The following SOX6 variants were observed in gnomAD, a reference collection of about 807,000 sequenced individuals.
SOX6 encodes SRY-box transcription factor 6.
SOX6 carries 11 observed loss-of-function variants against 97.8 expected under a neutral mutation model. That is an observed-to-expected ratio of 0.11 (90% CI 0.07 to 0.19). The LOEUF (loss-of-function observed/expected upper bound fraction) is 0.19, where lower values mean the gene tolerates loss of function less well. Ranked by LOEUF, SOX6 falls within the 10% of genes least tolerant of loss-of-function variation. The pLI is 1.00. For synonymous variants in SOX6, 360 were observed against 371.4 expected (o/e 0.97, Z 0.35); for missense variants, 810 against 1,039.5 (o/e 0.78, Z 3.04).
chr11:16,097,811 G>T lies in SOX6; in HGVS notation c.899-123C>A, dbSNP rs888178119. On this transcript the variant is annotated intron_variant, in intron 7 of 15. Coordinates refer to ENST00000683767, the MANE Select transcript of SOX6 (RefSeq NM_001367873.1). ...ATTGCTCTAAGCCCAAACATCTGCA[G>T]AAACAAAAGGCTTAGTTGGGCACAG... 7.7e-6 allele frequency: 7 copies of T among 906,702 alleles called. No homozygotes were observed. In the Admixed American group the frequency reaches 1.3e-4, roughly 17 times the overall value. 56.2% of individuals were successfully genotyped at this position (906,702 alleles called of 1,614,324 possible). A position where few individuals can be genotyped will look rare whatever the true frequency, so the allele number is the denominator to read the frequency against.
At chr11:16,312,540 A>G (rs1023464207) in intron 3 of SOX6, 5 of 152,220 alleles carry the variant, frequency 3.3e-5, no homozygotes, top group Admixed American at 3.3e-4. Context: ...TTCCCTTTAC[A>G]AACAGACGGT....
chr11:16,324,000 T>C (rs1855996989), intron 2 of SOX6, among the ~76,000 whole-genome samples: 1 of 151,806 alleles, frequency 6.6e-6, no homozygotes, highest in Admixed American at 6.6e-5. Context: ...CTATGCAACA[T>C]AGCAAGACCC....
rs149708562 is a variant in SOX6, at chr11:16,518,451, G to C, written n.610-42063C>G. ...TACTTTGCTTAGACAGACAAGTTTT[G>C]CTTTATATTACAATAATTTATATAA... On this transcript the variant is annotated intron_variant and non_coding_transcript_variant, in intron 4 of 5. Coordinates refer to the SOX6 transcript ENST00000524520. Among the ~76,000 whole-genome samples, 841 of 152,206 alleles carry C rather than the reference G, an allele frequency of 5.5e-3. 16 individuals are homozygous for C. The highest frequency in any genetic ancestry group is 0.019 in the African/African-American group (806 of 41,532).
At chr11:16,663,142 T>A (rs938377592) in intron 3 of SOX6, among the ~76,000 whole-genome samples, 9 of 152,000 alleles carry the variant, frequency 5.9e-5, no homozygotes, top group Non-Finnish European at 1.2e-4. Flanking sequence ...TTAACATTCA[T>A]AATAGTCAAA....
intron 4 of SOX6, among the ~76,000 whole-genome samples, chr11:16,559,903 C>CATTTGAATGTAGAATGTAG (rs1847789268): frequency 6.6e-6 from 1 of 152,004 alleles, no homozygotes; most frequent in African/African-American, 2.4e-5. Context: ...TTCAAATATT[C>CATTTGAATGTAGAATGTAG]AAATGCATTT....
chr11:16,026,130 G>T (rs906481633), intron 12 of SOX6, among the ~76,000 whole-genome samples: 1 of 152,030 alleles, frequency 6.6e-6, no homozygotes, highest in Non-Finnish European at 1.5e-5. Flanking sequence ...CAAAATGAGG[G>T]AGTTAAGTTA....
chr11:16,604,062 G>C (rs954161980), intron 4 of SOX6, among the ~76,000 whole-genome samples: 21 of 152,242 alleles, frequency 1.4e-4, no homozygotes, highest in African/African-American at 5.1e-4. Flanking sequence ...TACCTTATGA[G>C]GAAACGTCAA....
At chr11:16,548,346 G>A (rs1397457310) in intron 4 of SOX6, among the ~76,000 whole-genome samples, 2 of 152,058 alleles carry the variant, frequency 1.3e-5, no homozygotes, top group Non-Finnish European at 2.9e-5. Flanking sequence ...TGTTAGAAAT[G>A]GTAACTATAA....
At chr11:16,317,738 C>T (rs1444910469) in intron 3 of SOX6, 1 of 163,830 alleles carries the variant, frequency 6.1e-6, no homozygotes, top group Admixed American at 6.1e-5. Flanking sequence ...CTATTAATTA[C>T]TCTACATTTT....
intron 3 of SOX6, 147 bp from the exon 4 acceptor site, chr11:16,234,818 C>A: frequency 2.2e-6 from 1 of 462,918 alleles, no homozygotes. Flanking sequence ...TTACATTATT[C>A]TATAATGTGT....
chr11:16,392,196 G>T (rs1348945018), intron 1 of SOX6, among the ~76,000 whole-genome samples: 1 of 152,108 alleles, frequency 6.6e-6, no homozygotes, highest in South Asian at 2.1e-4. Flanking sequence ...TGTACAAGAA[G>T]TCTGAAAGGA....
chr11:16,189,578 C>A (rs1384192816), intron 4 of SOX6, among the ~76,000 whole-genome samples: 2 of 151,978 alleles, frequency 1.3e-5, no homozygotes, highest in Non-Finnish European at 2.9e-5. Context: ...TACCATTCAG[C>A]CCCTTATAGA....
intron 4 of SOX6, among the ~76,000 whole-genome samples, chr11:16,505,135 A>C (rs992910881): frequency 6.6e-6 from 1 of 152,220 alleles, no homozygotes; most frequent in Non-Finnish European, 1.5e-5. Flanking sequence ...AGGAAGGTAG[A>C]AAGATGAGGG....
chr11:16,009,951 C>G (rs561920333), intron 13 of SOX6, among the ~76,000 whole-genome samples: 3 of 151,786 alleles, frequency 2.0e-5, no homozygotes, highest in Non-Finnish European at 4.4e-5. Flanking sequence ...CAACAATTTC[C>G]AAGTATATGG....
At chr11:16,123,043 T>G (rs766468454) in intron 6 of SOX6, among the ~76,000 whole-genome samples, 2 of 152,054 alleles carry the variant, frequency 1.3e-5, no homozygotes, top group Non-Finnish European at 2.9e-5. Context: ...ATTTCAAGAT[T>G]TTTTAATGGC....
rs557477746 is a variant in SOX6 at position 16,403,556 on chromosome 11, T to C, written c.-4-62304A>G. On this transcript the variant is annotated intron_variant, in intron 1 of 15. Transcript: ENST00000396356. ...GTTCGTGACCCCTGAGATAAAAACA[T>C]AGTGACCATAATAACACCATTTGTA... Among the ~76,000 whole-genome samples, 13 of 151,834 alleles carry C rather than the reference T, an allele frequency of 8.6e-5. No homozygotes were observed. In the East Asian group the frequency reaches 2.5e-3, roughly 29 times the overall value.
At chr11:16,438,851 T>C (rs1859442604) in intron 1 of SOX6, among the ~76,000 whole-genome samples, 1 of 152,144 alleles carries the variant, frequency 6.6e-6, no homozygotes. Flanking sequence ...GCTCGCTCCT[T>C]ACCTCCTGAT....
At chr11:16,122,813 A>G (rs1849525118) in intron 6 of SOX6, among the ~76,000 whole-genome samples, 1 of 152,082 alleles carries the variant, frequency 6.6e-6, no homozygotes, top group Non-Finnish European at 1.5e-5. Context: ...AAGAACTTGT[A>G]TTCTATGTTA....
chr11:16,017,001 GTAAAA>G (rs553262478), intron 12 of SOX6, among the ~76,000 whole-genome samples: 2 of 151,474 alleles, frequency 1.3e-5, no homozygotes, highest in African/African-American at 2.4e-5. Flanking sequence ...AATATTCTCA[GTAAAA>G]TAAAATAAAA....
Sources: gnomAD v4.1 joint callset for allele counts (sites outside exome capture counted in the v4.1 genomes callset) on GRCh38, gnomAD v4.1.1 for gene constraint, MANE v1.5 for transcripts, NCBI Gene and HGNC (gene_info 2026-07-23, HGNC 2026-07-21) for gene names.